XKR9: variants seen among roughly 807,000 people sequenced by gnomAD.
XKR9 encodes XK-related protein 9.
Under a neutral mutation model 32.0 loss-of-function variants are expected in XKR9, and 32 were observed. That is an observed-to-expected ratio of 1.00 (90% CI 0.76 to 1.34). The LOEUF is 1.34. Ranked by LOEUF, XKR9 falls within the 40% of genes most tolerant of loss-of-function variation. The pLI is 0.00. For synonymous variants in XKR9, 168 were observed against 143.4 expected (o/e 1.17, Z -1.22); for missense variants, 546 against 429.7 (o/e 1.27, Z -2.39).
intron 4 of XKR9, among the ~76,000 whole-genome samples, chr8:70,721,591 T>C (rs62530823): frequency 0.073 from 11,041 of 152,256 alleles, 475 homozygotes; most frequent in Non-Finnish European, 0.089. Flanking sequence ...GGTTGTTCAG[T>C]TTCCATGTAG....
At chr8:70,713,837 A>G (rs1438279827) in intron 4 of XKR9, among the ~76,000 whole-genome samples, 1 of 152,082 alleles carries the variant, frequency 6.6e-6, no homozygotes, top group Non-Finnish European at 1.5e-5. Context: ...AAAAATAACA[A>G]TATTATGAAA....
chr8:70,735,408 T>G lies in XKR9; in HGVS notation c.*984T>G, dbSNP rs1806831724. Reference sequence around the variant, plus strand: ...TCCAAATTTGTATGTTGATGGCATTTGGAAGTGGTGGGGACTTTGTTTATT... The same window carrying G: ...TCCAAATTTGTATGTTGATGGCATTGGGAAGTGGTGGGGACTTTGTTTATT... On this transcript the variant is annotated 3_prime_UTR_variant, in exon 5 of 5. Coordinates refer to ENST00000408926, the MANE Select transcript of XKR9 (RefSeq NM_001011720.2). The G allele has an allele frequency of 6.6e-6, 1 of 151,786 alleles. No homozygotes were observed. 9.4% of individuals were successfully genotyped at this position (151,786 alleles called of 1,614,324 possible).
At chr8:70,946,382 A>C in the XKR9 span, among the ~76,000 whole-genome samples, 13 of 152,068 alleles carry the variant, frequency 8.5e-5, no homozygotes, top group Non-Finnish European at 1.2e-4. Context: ...CAAAAAAAAA[A>C]CGATAAAAAC....
At chr8:70,694,212 G>A (rs1284586399) in intron 3 of XKR9, among the ~76,000 whole-genome samples, 13 of 152,204 alleles carry the variant, frequency 8.5e-5, no homozygotes, top group South Asian at 2.1e-4. Context: ...CCGTGGTTGC[G>A]AGGTCCCACC....
rs1215611302 is a variant in XKR9, at chr8:70,771,673, C to A, written n.353-17666C>A. 4.6e-5 allele frequency among the ~76,000 whole-genome samples: 7 copies of A among 152,136 alleles called. No homozygotes were observed. The East Asian group carries it at 1.3e-3, about 29-fold the overall frequency. ...AATTGAAGATTGGGTTTGTCTAGAT[C>A]AAAAGAAAATGTGGCCTATGTTCTT... On this transcript the variant is annotated intron_variant and non_coding_transcript_variant, in intron 2 of 3. Coordinates refer to the XKR9 transcript ENST00000520273.
chr8:70,918,130 T>C, the XKR9 span, among the ~76,000 whole-genome samples: 1 of 152,220 alleles, frequency 6.6e-6, no homozygotes, highest in African/African-American at 2.4e-5. Flanking sequence ...TTCCTTCACA[T>C]TTTATCTTTG....
At chr8:71,004,315 A>C in the XKR9 span, among the ~76,000 whole-genome samples, 25 of 152,252 alleles carry the variant, frequency 1.6e-4, no homozygotes, top group South Asian at 5.2e-3. Flanking sequence ...ATCTGGCCAC[A>C]CAGAGGGAAA....
chr8:70,727,999 G>A (rs769957590), intron 4 of XKR9, among the ~76,000 whole-genome samples: 7 of 152,128 alleles, frequency 4.6e-5, no homozygotes, highest in African/African-American at 9.7e-5. Flanking sequence ...TTCTAATCTC[G>A]TGGCTAATTT....
the XKR9 span, among the ~76,000 whole-genome samples, chr8:71,007,860 G>T: frequency 6.6e-6 from 1 of 151,906 alleles, no homozygotes; most frequent in Non-Finnish European, 1.5e-5. Context: ...ATAAAAAAGG[G>T]CATTTTTCAT....
At chr8:70,692,461 T>C (rs1805109709) in intron 3 of XKR9, among the ~76,000 whole-genome samples, 1 of 152,214 alleles carries the variant, frequency 6.6e-6, no homozygotes, top group East Asian at 1.9e-4. Flanking sequence ...CTATGTTGAA[T>C]AGAAGTGGAG....
chr8:70,785,232 T>C (rs1049599583), intron 2 of XKR9, among the ~76,000 whole-genome samples: 4 of 151,996 alleles, frequency 2.6e-5, no homozygotes, highest in Admixed American at 6.6e-5. Context: ...TTATTCACTT[T>C]TGGTAGATTT....
the XKR9 span, among the ~76,000 whole-genome samples, chr8:70,870,198 C>G: frequency 6.6e-6 from 1 of 152,132 alleles, no homozygotes; most frequent in Non-Finnish European, 1.5e-5. Flanking sequence ...CAAAAGATAA[C>G]AACACCATGT....
intron 2 of XKR9, among the ~76,000 whole-genome samples, chr8:70,758,829 TAC>T (rs1435218900): frequency 6.6e-6 from 1 of 152,204 alleles, no homozygotes; most frequent in Non-Finnish European, 1.5e-5. Flanking sequence ...GCAGTGAAGT[TAC>T]AGAGTAACAG....
the XKR9 span, among the ~76,000 whole-genome samples, chr8:71,025,685 A>G: frequency 3.9e-5 from 6 of 152,180 alleles, no homozygotes; most frequent in African/African-American, 1.2e-4. Context: ...ATCTGTCCAC[A>G]TTCACATATC....
the XKR9 span, among the ~76,000 whole-genome samples, chr8:70,920,802 CAAGT>C: frequency 6.6e-6 from 1 of 152,000 alleles, no homozygotes; most frequent in Non-Finnish European, 1.5e-5. Flanking sequence ...GTTTCTATGA[CAAGT>C]AATCCATTTT....
the XKR9 span, among the ~76,000 whole-genome samples, chr8:71,011,167 G>A: frequency 4.2e-4 from 64 of 152,180 alleles, no homozygotes; most frequent in Middle Eastern, 3.4e-3. Context: ...CTTCTCTCTC[G>A]TCTGATGCAC....
Position 70,681,259 on chromosome 8 carries a change from A to G in XKR9, c.201A>G (p.Leu67=). 1 of 1,613,502 alleles carries G rather than the reference A, an allele frequency of 6.2e-7. No homozygotes were observed. Among genetic ancestry groups the G allele is most frequent in the Non-Finnish European group, 8.5e-7 (1 of 1,179,594 alleles). Residue 67 remains leucine (L), a synonymous_variant, in exon 3 of 5, where the codon TTA becomes TTG. Transcript: ENST00000408926. The part of the protein sequence containing the change: ...CFSYSWFKAD[L]KKAGQESQHC... The stretch of plus-strand genomic sequence containing the variant: ...GTTATTCTTGGTTCAAGGCTGATTT[A>G]AAGAAAGCAGGCCAAGAAAGTCAGC...
chr8:70,720,819 A>T (rs1174976491), intron 4 of XKR9, among the ~76,000 whole-genome samples: 2 of 152,198 alleles, frequency 1.3e-5, no homozygotes, highest in African/African-American at 4.8e-5. Flanking sequence ...TGCCTATAAA[A>T]TGAGTTAGGG....
At chr8:70,952,953 G>T in the XKR9 span, among the ~76,000 whole-genome samples, 2 of 152,156 alleles carry the variant, frequency 1.3e-5, no homozygotes, top group Non-Finnish European at 2.9e-5. Flanking sequence ...TGTGATCAGT[G>T]AACTCACCTC....
Sources: allele counts gnomAD v4.1 joint callset (sites outside exome capture counted in the v4.1 genomes callset), GRCh38; gene constraint gnomAD v4.1.1; transcripts MANE v1.5; gene names NCBI Gene and HGNC (gene_info 2026-07-23, HGNC 2026-07-21).